The following PTPRD variants were observed in gnomAD, a reference collection of about 807,000 sequenced individuals.
The protein encoded by PTPRD is protein tyrosine phosphatase receptor type D.
PTPRD carries 34 observed loss-of-function variants against 214.5 expected under a neutral mutation model. The ratio of observed to expected loss-of-function variants is 0.16; its 90% CI spans 0.12 to 0.21. The LOEUF (loss-of-function observed/expected upper bound fraction) is 0.21, where lower values mean the gene tolerates loss of function less well. Ranked by LOEUF, PTPRD falls within the 10% of genes least tolerant of loss-of-function variation. PTPRD has a pLI of 1.00. For missense variants in PTPRD, 2,545 were observed against 2,398.7 expected, an observed-to-expected ratio of 1.06 and a Z score of -1.27; for synonymous variants, 1,128 against 845.7, an observed-to-expected ratio of 1.33 and a Z score of -5.79.
intron 3 of PTPRD, among the ~76,000 whole-genome samples, chr9:10,131,211 G>C (rs1366592814): frequency 6.6e-6 from 1 of 152,076 alleles, no homozygotes; most frequent in East Asian, 1.9e-4. Flanking sequence ...TGATGTTACT[G>C]TCTAACAGCA....
chr9:9,982,478 GTGTGTGTGT>G (rs148631912), intron 4 of PTPRD, among the ~76,000 whole-genome samples: 67,627 of 148,894 alleles, frequency 0.45, 15,774 homozygotes, highest in Non-Finnish European at 0.53. Flanking sequence ...TGGTGGTGGT[GTGTGTGTGT>G]GTGTGTGTGT....
chr9:9,423,458 C>T (rs1420070703), intron 8 of PTPRD, among the ~76,000 whole-genome samples: 1 of 152,140 alleles, frequency 6.6e-6, no homozygotes, highest in Non-Finnish European at 1.5e-5. Flanking sequence ...GAATAAATTC[C>T]TGTTGTTAAA....
chr9:9,933,821 C>T (rs905018187), intron 5 of PTPRD, among the ~76,000 whole-genome samples: 1 of 146,524 alleles, frequency 6.8e-6, no homozygotes, highest in East Asian at 2.0e-4. Flanking sequence ...TGACCACATA[C>T]TTGGAAGTAA....
intron 5 of PTPRD, among the ~76,000 whole-genome samples, chr9:9,843,512 T>C (rs1357060017): frequency 6.6e-6 from 1 of 150,732 alleles, no homozygotes; most frequent in Non-Finnish European, 1.5e-5. Flanking sequence ...TCTTATAAGG[T>C]TTTATAAGAA....
chr9:8,805,754 G>C (rs2096664464), intron 11 of PTPRD, among the ~76,000 whole-genome samples: 1 of 151,204 alleles, frequency 6.6e-6, no homozygotes, highest in Non-Finnish European at 1.5e-5. Flanking sequence ...CCAGCATTTT[G>C]GGGCACTGAG....
intron 2 of PTPRD, among the ~76,000 whole-genome samples, chr9:10,483,159 A>G (rs764054158): frequency 7.9e-5 from 12 of 152,172 alleles, no homozygotes; most frequent in Non-Finnish European, 1.5e-4. Context: ...TCATCAACAA[A>G]TCATATAAAA....
At chr9:8,561,943 A>T (rs1180480466) in intron 14 of PTPRD, among the ~76,000 whole-genome samples, 1 of 152,174 alleles carries the variant, frequency 6.6e-6, no homozygotes, top group African/African-American at 2.4e-5. Flanking sequence ...TGCATGTCAC[A>T]TCACTAGAAT....
intron 5 of PTPRD, among the ~76,000 whole-genome samples, chr9:9,799,772 G>C (rs569139599): frequency 3.9e-5 from 6 of 152,126 alleles, no homozygotes; most frequent in Non-Finnish European, 7.4e-5. Flanking sequence ...AGTAACAAAA[G>C]AGTTTGAGGC....
intron 14 of PTPRD, among the ~76,000 whole-genome samples, chr9:8,559,683 C>T (rs146164358): frequency 1.2e-3 from 184 of 152,318 alleles, no homozygotes; most frequent in African/African-American, 4.3e-3. Flanking sequence ...CAGAAAGGTG[C>T]TATCAAGTGG....
At chr9:9,912,690 A>G (rs1006075767) in intron 5 of PTPRD, among the ~76,000 whole-genome samples, 4 of 152,178 alleles carry the variant, frequency 2.6e-5, no homozygotes, top group Admixed American at 1.3e-4. Flanking sequence ...TATAATCCAT[A>G]ATTACAATTA....
chr9:8,640,776 TC>T (rs2096559611), intron 12 of PTPRD, among the ~76,000 whole-genome samples: 1 of 151,990 alleles, frequency 6.6e-6, no homozygotes, highest in Non-Finnish European at 1.5e-5. Context: ...TGTCAATTTT[TC>T]TAGATTCGCC....
chr9:9,104,832 C>A (rs552233039), intron 10 of PTPRD, among the ~76,000 whole-genome samples: 2 of 152,194 alleles, frequency 1.3e-5, no homozygotes, highest in South Asian at 4.2e-4. Context: ...CAGGGGAGTT[C>A]GACGTGATTC....
intron 12 of PTPRD, among the ~76,000 whole-genome samples, chr9:8,641,294 T>C (rs2096570867): frequency 6.8e-6 from 1 of 148,002 alleles, no homozygotes; most frequent in African/African-American, 2.7e-5. Context: ...CCATCAGTAT[T>C]ATAGTTAGTG....
chr9:9,067,339 C>T lies in PTPRD; in HGVS notation c.-142-48604G>A, dbSNP rs1279680627. ...GAAGTTAATAGCTAAGTTTTTGAAA[C>T]ATTAATGCTTATGTTTGAATTCTTT... On this transcript the variant is annotated intron_variant, in intron 10 of 45. Transcript: ENST00000381196. Among the ~76,000 whole-genome samples the T allele has an allele frequency of 3.9e-5, 6 of 152,308 alleles. No individual in the cohort carries two copies. In the South Asian group the frequency reaches 1.2e-3, roughly 32 times the overall value.
intron 10 of PTPRD, among the ~76,000 whole-genome samples, chr9:9,069,176 C>T (rs2099740186): frequency 6.6e-6 from 1 of 152,136 alleles, no homozygotes; most frequent in African/African-American, 2.4e-5. Flanking sequence ...AAGACAAGAA[C>T]TAATTTAGTG....
intron 9 of PTPRD, among the ~76,000 whole-genome samples, chr9:9,239,869 T>C (rs1234495101): frequency 6.6e-6 from 1 of 152,152 alleles, no homozygotes; most frequent in East Asian, 1.9e-4. Context: ...GATCCAGATG[T>C]GCTCTGCCAT....
chr9:8,327,390 T>A (rs1286859319), intron 44 of PTPRD, among the ~76,000 whole-genome samples: 1 of 152,090 alleles, frequency 6.6e-6, no homozygotes, highest in Non-Finnish European at 1.5e-5. Flanking sequence ...TGCACTGTGG[T>A]CTGAGAGACT....
At chr9:9,909,041 G>A (rs2078428547) in intron 5 of PTPRD, among the ~76,000 whole-genome samples, 1 of 147,194 alleles carries the variant, frequency 6.8e-6, no homozygotes. Context: ...GTAAATAAAG[G>A]ATTTTTTTCA....
intron 8 of PTPRD, among the ~76,000 whole-genome samples, chr9:9,566,035 T>G (rs2084412691): frequency 6.6e-6 from 1 of 151,966 alleles, no homozygotes; most frequent in South Asian, 2.1e-4. Flanking sequence ...GCCTCCTCAT[T>G]TGTGACAACT....
Sources: allele counts gnomAD v4.1 joint callset (sites outside exome capture counted in the v4.1 genomes callset), GRCh38; gene constraint gnomAD v4.1.1; transcripts MANE v1.5; gene names NCBI Gene and HGNC (gene_info 2026-07-23, HGNC 2026-07-21).